The following PRR16 variants were observed in gnomAD, a reference collection of about 807,000 sequenced individuals.
The protein encoded by PRR16 is proline rich 16, also known as protein Largen.
Under a neutral mutation model 18.2 loss-of-function variants are expected in PRR16, and 6 were observed. That is an observed-to-expected ratio of 0.33 (90% CI 0.18 to 0.65). The LOEUF (loss-of-function observed/expected upper bound fraction) is 0.65. PRR16 is among the 30% of genes least tolerant of loss of function. The probability of loss-of-function intolerance (pLI) is 0.74; values close to 1 mark genes in which losing one functional copy is unlikely to be tolerated. For missense variants in PRR16, 412 were observed against 376.6 expected, an observed-to-expected ratio of 1.09 and a Z score of -0.78; for synonymous variants, 151 against 147.8, an observed-to-expected ratio of 1.02 and a Z score of -0.16.
chr5:120,685,122 G>A (rs1757080990), intron 1 of PRR16, among the ~76,000 whole-genome samples: 1 of 152,174 alleles, frequency 6.6e-6, no homozygotes, highest in Admixed American at 6.5e-5. Context: ...TTACAGGTTG[G>A]AGGGTTTCTT....
At chr5:120,583,153 T>C (rs76811750) in intron 1 of PRR16, among the ~76,000 whole-genome samples, 8,490 of 152,298 alleles carry the variant, frequency 0.056, 312 homozygotes, top group South Asian at 0.081. Flanking sequence ...AGTCATTTTG[T>C]CCTTTACACA....
At chr5:120,502,784 A>C (rs1750507148) in intron 1 of PRR16, among the ~76,000 whole-genome samples, 1 of 152,210 alleles carries the variant, frequency 6.6e-6, no homozygotes, top group South Asian at 2.1e-4. Flanking sequence ...AAAATGAGTA[A>C]TAGACTGTCT....
At chr5:120,510,044 A>G (rs1227002405) in intron 1 of PRR16, among the ~76,000 whole-genome samples, 4 of 152,170 alleles carry the variant, frequency 2.6e-5, no homozygotes, top group Non-Finnish European at 5.9e-5. Flanking sequence ...GCTTTCAAAA[A>G]GAGCTAGTTT....
At chr5:120,646,846 A>G (rs929285962) in intron 1 of PRR16, among the ~76,000 whole-genome samples, 2 of 152,034 alleles carry the variant, frequency 1.3e-5, no homozygotes, top group East Asian at 3.9e-4. Flanking sequence ...TAAATTAGCA[A>G]TGGAATAACT....
chr5:120,486,006 T>C (rs1365984713), intron 1 of PRR16, among the ~76,000 whole-genome samples: 1 of 152,168 alleles, frequency 6.6e-6, no homozygotes, highest in Non-Finnish European at 1.5e-5. Context: ...TGCATAGTAT[T>C]CCATGGTGTA....
intron 1 of PRR16, among the ~76,000 whole-genome samples, chr5:120,553,552 C>A (rs1752322704): frequency 6.6e-6 from 1 of 151,888 alleles, no homozygotes; most frequent in Non-Finnish European, 1.5e-5. Context: ...TCATTATAAT[C>A]TTTTCTTTCT....
At chr5:120,579,763 C>A (rs1202593283) in intron 1 of PRR16, among the ~76,000 whole-genome samples, 2 of 152,074 alleles carry the variant, frequency 1.3e-5, no homozygotes, top group African/African-American at 4.8e-5. Flanking sequence ...TAGTTTTTTT[C>A]TAATTCTGTG....
the PRR16 span, among the ~76,000 whole-genome samples, chr5:120,726,426 C>T: frequency 1.3e-5 from 2 of 151,786 alleles, no homozygotes; most frequent in African/African-American, 4.8e-5. Flanking sequence ...TCCTCAATAC[C>T]CCATAGTATT....
chr5:120,700,679 C>A, the PRR16 span, among the ~76,000 whole-genome samples: 1 of 151,944 alleles, frequency 6.6e-6, no homozygotes, highest in Non-Finnish European at 1.5e-5. Context: ...CATCAATACC[C>A]ACAACAGTTA....
chr5:120,761,945 C>T, the PRR16 span, among the ~76,000 whole-genome samples: 1 of 152,018 alleles, frequency 6.6e-6, no homozygotes, highest in Non-Finnish European at 1.5e-5. Context: ...ACATTTTTAC[C>T]TCCCATATAT....
At chr5:120,611,343 G>T (rs931250613) in intron 1 of PRR16, among the ~76,000 whole-genome samples, 1 of 152,194 alleles carries the variant, frequency 6.6e-6, no homozygotes, top group African/African-American at 2.4e-5. Context: ...GTAACAAGGA[G>T]CCTAATGTTA....
chr5:120,679,099 C>A (rs1238534745), intron 1 of PRR16, among the ~76,000 whole-genome samples: 2 of 152,106 alleles, frequency 1.3e-5, no homozygotes, highest in Admixed American at 6.6e-5. Context: ...TCCTTGTATA[C>A]ATGGTTTAAA....
intron 1 of PRR16, among the ~76,000 whole-genome samples, chr5:120,548,855 A>C (rs554602887): frequency 2.5e-5 from 3 of 120,756 alleles, no homozygotes; most frequent in East Asian, 2.2e-4. Context: ...TGATTCCACA[A>C]ATTTGATTTT....
At chr5:120,597,655 A>G (rs1753856860) in intron 1 of PRR16, among the ~76,000 whole-genome samples, 3 of 151,734 alleles carry the variant, frequency 2.0e-5, no homozygotes, top group African/African-American at 7.2e-5. Context: ...TGATCTGAGT[A>G]ACATGATCAT....
At chr5:120,602,008 C>T (rs907693259) in intron 1 of PRR16, among the ~76,000 whole-genome samples, 1 of 151,818 alleles carries the variant, frequency 6.6e-6, no homozygotes, top group Non-Finnish European at 1.5e-5. Context: ...GATGGCCCAG[C>T]CTGGTACTTT....
rs115298782 is a variant in PRR16 at position 120,540,478 on chromosome 5, G to A, written c.159+75833G>A. On this transcript the variant is annotated intron_variant, in intron 1 of 1. Coordinates refer to ENST00000407149, the MANE Select transcript of PRR16 (RefSeq NM_001300783.2). ...GGCCTCTCTTAACCAGGTTCATTTT[G>A]TACCATGTGCCCCTAGGCAGTTAGT... Among the ~76,000 whole-genome samples, 1,159 of 152,200 alleles carry A rather than the reference G, an allele frequency of 7.6e-3. 20 individuals are homozygous for A. The highest frequency in any genetic ancestry group is 0.027 in the African/African-American group (1,109 of 41,516).
chr5:120,690,674 A>G (rs1757198831), downstream of PRR16, among the ~76,000 whole-genome samples: 1 of 152,218 alleles, frequency 6.6e-6, no homozygotes, highest in Non-Finnish European at 1.5e-5. Flanking sequence ...AAATGTTTAC[A>G]GTAAACATTT....
At chr5:120,486,260 C>T (rs187775355) in intron 1 of PRR16, among the ~76,000 whole-genome samples, 137 of 152,286 alleles carry the variant, frequency 9.0e-4, no homozygotes, top group Middle Eastern at 6.8e-3. Context: ...GTTTACAGTT[C>T]CAACAGCAGT....
chr5:120,497,685 G>T (rs962469349), intron 1 of PRR16, among the ~76,000 whole-genome samples: 1 of 151,696 alleles, frequency 6.6e-6, no homozygotes, highest in Non-Finnish European at 1.5e-5. Context: ...CACAGCTCCC[G>T]GCTGAATTGA....
Sources: gnomAD v4.1 joint callset for allele counts (sites outside exome capture counted in the v4.1 genomes callset) on GRCh38, gnomAD v4.1.1 for gene constraint, MANE v1.5 for transcripts, NCBI Gene and HGNC (gene_info 2026-07-23, HGNC 2026-07-21) for gene names.